The following KCNQ2 variants were observed in gnomAD, a reference collection of about 807,000 sequenced individuals.
The protein encoded by KCNQ2 is potassium voltage-gated channel subfamily Q member 2, also known as potassium voltage-gated channel subfamily KQT member 2.
Under a neutral mutation model 84.8 loss-of-function variants are expected in KCNQ2, and 14 were observed. That is an observed-to-expected ratio of 0.17 (90% CI 0.11 to 0.26). The LOEUF (loss-of-function observed/expected upper bound fraction) is 0.26. Ranked by LOEUF, KCNQ2 falls within the 10% of genes least tolerant of loss-of-function variation. The pLI is 1.00. For synonymous variants in KCNQ2, 599 were observed against 554.1 expected (o/e 1.08, Z -1.14); for missense variants, 788 against 1,254.0 (o/e 0.63, Z 5.61).
At chr20:63,411,199 C>T (rs1021581770) in intron 15 of KCNQ2, among the ~76,000 whole-genome samples, 15 of 152,334 alleles carry the variant, frequency 9.8e-5, no homozygotes, top group Admixed American at 3.3e-4. Flanking sequence ...CGCTTCTTCC[C>T]GGTGGCTTAA....
In KCNQ2 at chr20:63,413,760, GAC is replaced by G. The variant is rs3215651; in HGVS notation, c.1632-181_1632-180del. Among the ~76,000 whole-genome samples, 37,180 of 152,122 alleles carry G rather than the reference GAC, an allele frequency of 0.24. 5,648 individuals carry two copies. The highest frequency in any genetic ancestry group is 0.35 in the Non-Finnish European group (24,074 of 67,932). Reference sequence around the variant, plus strand: ...CTTTATGTGGCCCTGCTCTGCCCGGGACAGGTGGGGCTTGCAGGCCTGGCCAT... The same window carrying G: ...CTTTATGTGGCCCTGCTCTGCCCGGGAGGTGGGGCTTGCAGGCCTGGCCAT... On this transcript the variant is annotated intron_variant, in intron 14 of 16. Transcript: ENST00000359125.
chr20:63,400,232 C>T lies in KCNQ2; in HGVS notation c.*6412G>A. On this transcript the variant is annotated 3_prime_UTR_variant, in exon 17 of 17. Transcript: ENST00000359125. This position sits in a 1 kb window ranked among gnomAD's most constrained non-coding sequence, Gnocchi z 8.7. ...GTCCAGGTTGAATCACTGCGTTTTA[C>T]TGAGTGCACAGGTCCACCTGGCGTC... 1 of 174,316 alleles carries T rather than the reference C, an allele frequency of 5.7e-6. No individual in the cohort carries two copies. Among genetic ancestry groups the T allele is most frequent in the Non-Finnish European group, 1.2e-5 (1 of 83,450 alleles). The allele number at this position is 174,316 out of a possible 1,614,324, so 10.8% of individuals were successfully genotyped here.
chr20:63,423,899 C>A, intron 11 of KCNQ2: 1 of 518,900 alleles, frequency 1.9e-6, no homozygotes, highest in Non-Finnish European at 3.5e-6. Flanking sequence ...GACTTGTGGG[C>A]GGGGTGGGGG....
chr20:63,442,860 CCATCACCATCACCATTAT>C (rs2081239225), intron 4 of KCNQ2, among the ~76,000 whole-genome samples: 3 of 66,990 alleles, frequency 4.5e-5, no homozygotes, highest in Admixed American at 1.4e-4. Flanking sequence ...ATCACCACCA[CCATCACCATCACCATTAT>C]CACCACCACC....
At chr20:63,450,893 G>A (rs893153676) in intron 1 of KCNQ2, among the ~76,000 whole-genome samples, 2 of 152,146 alleles carry the variant, frequency 1.3e-5, no homozygotes, top group African/African-American at 2.4e-5. Flanking sequence ...TCAGCACTTC[G>A]GGAGGAGGCC....
At position 63,400,705 on chromosome 20, in the gene KCNQ2, G is replaced by A. The variant is rs1001031796; in HGVS notation, c.*5939C>T. 2.8e-5 allele frequency: 11 copies of A among 398,432 alleles called. No homozygotes were observed. Among genetic ancestry groups the A allele is most frequent in the Admixed American group, 1.8e-4 (4 of 22,710 alleles). 24.7% of individuals were successfully genotyped at this position (398,432 alleles called of 1,614,324 possible). ...GGCAGACTGCAATGGCGTGGGGCGC[G>A]GGCATGGCGGGCACACGTGGGCCGT... On this transcript the variant is annotated 3_prime_UTR_variant, in exon 17 of 17. Coordinates refer to ENST00000359125, the MANE Select transcript of KCNQ2 (RefSeq NM_172107.4). This position sits in a 1 kb window ranked among gnomAD's most constrained non-coding sequence, Gnocchi z 8.7.
Position 63,438,806 on chromosome 20 carries a change from C to CG in KCNQ2, c.928-87_928-86insC. The CG allele has an allele frequency of 1.0e-6, 1 of 983,442 alleles. No individual in the cohort carries two copies. The highest frequency in any genetic ancestry group is 1.6e-6 in the Non-Finnish European group (1 of 642,072). 60.9% of individuals were successfully genotyped at this position (983,442 alleles called of 1,614,324 possible). A position where few individuals can be genotyped will look rare whatever the true frequency, so the allele number is the denominator to read the frequency against. On this transcript the variant is annotated intron_variant, in intron 6 of 16. Transcript: ENST00000359125. This position sits in a 1 kb window ranked among gnomAD's most constrained non-coding sequence, Gnocchi z 5.1. ...TCAGACCATGCTCTGGGGCCCCACA[C>CG]CCCCCCCAATTCATCAGGGTCAGAC...
At chr20:63,420,909 G>A (rs1297769067) in intron 11 of KCNQ2, among the ~76,000 whole-genome samples, 3 of 152,190 alleles carry the variant, frequency 2.0e-5, no homozygotes, top group Non-Finnish European at 4.4e-5. Context: ...GGTGGGACGA[G>A]GCAGGAGGGA....
chr20:63,400,827 G>A lies in KCNQ2; in HGVS notation c.*5817C>T. 2.5e-6 allele frequency: 1 copy of A among 398,440 alleles called. No homozygotes were observed. The allele number at this position is 398,440 out of a possible 1,614,324, so 24.7% of individuals were successfully genotyped here. A position where few individuals can be genotyped will look rare whatever the true frequency, so the allele number is the denominator to read the frequency against. On this transcript the variant is annotated 3_prime_UTR_variant, in exon 17 of 17. Coordinates refer to ENST00000359125, the MANE Select transcript of KCNQ2 (RefSeq NM_172107.4). This position sits in a 1 kb window ranked among gnomAD's most constrained non-coding sequence, Gnocchi z 8.7. ...GTGAGACCCCTCCTGCCCTGCGCGT[G>A]TCTCTGGAGCCCGTCCCTTGGGCCC...
rs559776057 is a variant in KCNQ2 at position 63,411,122 on chromosome 20, C to T, written c.1763+2328G>A. On this transcript the variant is annotated intron_variant, in intron 15 of 16. Transcript: ENST00000359125. ...AAAACACTAATTAGGATGCTGGCAGCTTGAAAGCCAGCACCGGAGCTGCTG... is the reference window on the plus strand; with the variant it reads ...AAAACACTAATTAGGATGCTGGCAGTTTGAAAGCCAGCACCGGAGCTGCTG... 550 of 411,832 alleles carry T rather than the reference C, an allele frequency of 1.3e-3. 2 individuals carry two copies. Among genetic ancestry groups the T allele is most frequent in the African/African-American group, 0.01 (501 of 48,380 alleles). 25.5% of individuals were successfully genotyped at this position (411,832 alleles called of 1,614,324 possible).
Position 63,472,238 on chromosome 20 carries a change from T to C in KCNQ2, c.226A>G (p.Lys76Glu). Residue 76 changes from lysine (K) to glutamate (E), a missense_variant, in exon 1 of 17, where the codon AAG (lysine) becomes GAG (glutamate). Around this residue, in one of 8 missense-constraint regions of KCNQ2, gnomAD observed 106 missense variants for 214.8 expected, o/e 0.49. Coordinates refer to ENST00000359125, the MANE Select transcript of KCNQ2 (RefSeq NM_172107.4). ...ACGTTGTAGAGGAAATTCTGCAGCT[T>C]GCGGTAGAAGGCGTTGCGCTTGGGG... Reference protein sequence around the residue: ...KPPKRNAFYRKLQNFLYNVLE... With the variant: ...KPPKRNAFYRELQNFLYNVLE... 2 of 1,542,776 alleles carry C rather than the reference T, an allele frequency of 1.3e-6. No individual in the cohort carries two copies. The highest frequency in any genetic ancestry group is 1.7e-6 in the Non-Finnish European group (2 of 1,144,812).
intron 11 of KCNQ2, 158 bp downstream of exon 11, chr20:63,424,019 C>T: frequency 1.3e-6 from 1 of 742,132 alleles, no homozygotes; most frequent in Non-Finnish European, 2.3e-6. Context: ...GGGCCCACAT[C>T]ACCGCCAGGC....
chr20:63,467,884 C>T (rs893057668), intron 1 of KCNQ2, among the ~76,000 whole-genome samples: 2 of 152,130 alleles, frequency 1.3e-5, no homozygotes, highest in South Asian at 2.1e-4. Context: ...CTGGAGAGAC[C>T]GCGTCTCTGC....
At chr20:63,411,142 C>G (rs2080108660) in intron 15 of KCNQ2, 1 of 397,300 alleles carries the variant, frequency 2.5e-6, no homozygotes, top group Non-Finnish European at 5.0e-6. Context: ...AGCACCGGAG[C>G]TGCTGGAGCG....
At chr20:63,433,177 C>T (rs2080883908) in intron 8 of KCNQ2, among the ~76,000 whole-genome samples, 1 of 152,240 alleles carries the variant, frequency 6.6e-6, no homozygotes, top group African/African-American at 2.4e-5. Context: ...GGGAAAGCCG[C>T]CCTCCGACCA....
rs2079940402 is a variant in KCNQ2, at chr20:63,406,607, G to A, written c.*37C>T. On this transcript the variant is annotated 3_prime_UTR_variant, in exon 17 of 17. Coordinates refer to ENST00000359125, the MANE Select transcript of KCNQ2 (RefSeq NM_172107.4). ...CAAAACCTCGGAGGCACCGTGCTGA[G>A]GAGGGCCGCGGGCGGGTCCACTGGC... is the stretch of plus-strand genomic sequence containing the variant. 1.3e-6 allele frequency: 2 copies of A among 1,560,140 alleles called. No individual in the cohort carries two copies. The highest frequency in any genetic ancestry group is 4.6e-5 in the East Asian group (2 of 43,520).
chr20:63,438,846 T>A lies in KCNQ2; in HGVS notation c.928-126A>T. Reference sequence around the variant, plus strand: ...CAGGGTCAGACCACACTCCAGAGACTCACACACCCCCCAATTCATCAGGGT... The same window carrying A: ...CAGGGTCAGACCACACTCCAGAGACACACACACCCCCCAATTCATCAGGGT... On this transcript the variant is annotated intron_variant, in intron 6 of 16. Transcript: ENST00000359125. This position sits in a 1 kb window ranked among gnomAD's most constrained non-coding sequence, Gnocchi z 5.1. 1 of 561,218 alleles carries A rather than the reference T, an allele frequency of 1.8e-6. No individual in the cohort carries two copies. The highest frequency in any genetic ancestry group is 2.7e-5 in the African/African-American group (1 of 36,382). 34.8% of individuals were successfully genotyped at this position (561,218 alleles called of 1,614,324 possible).
chr20:63,455,489 ATG>A (rs2081755823), intron 1 of KCNQ2, among the ~76,000 whole-genome samples: 1 of 152,166 alleles, frequency 6.6e-6, no homozygotes, highest in South Asian at 2.1e-4. Context: ...AAGAGAGGCC[ATG>A]GCGGGGATCA....
Position 63,404,443 on chromosome 20 carries a change from T to TGGCGGGGGAGGAAAGAGCAGGCGGGGC in KCNQ2, c.*2200_*2201insGCCCCGCCTGCTCTTTCCTCCCCCGCC, listed in dbSNP as rs2079881326. On this transcript the variant is annotated 3_prime_UTR_variant, in exon 17 of 17. Transcript: ENST00000359125. Reference sequence around the variant, plus strand: ...GCGGGGGAGGAAAGAGCAGGCGGGGTCACACCTGCAGGGGGACACACAGCA... The same window carrying TGGCGGGGGAGGAAAGAGCAGGCGGGGC: ...GCGGGGGAGGAAAGAGCAGGCGGGGTGGCGGGGGAGGAAAGAGCAGGCGGGGCCACACCTGCAGGGGGACACACAGCA... 1 of 149,896 alleles carries TGGCGGGGGAGGAAAGAGCAGGCGGGGC rather than the reference T, an allele frequency of 6.7e-6. No individual in the cohort carries two copies. The highest frequency in any genetic ancestry group is 2.0e-4 in the East Asian group (1 of 5,128). The allele number at this position is 149,896 out of a possible 1,614,324, so 9.3% of individuals were successfully genotyped here.
Sources: gnomAD v4.1 joint callset for allele counts (sites outside exome capture counted in the v4.1 genomes callset) on GRCh38, gnomAD v4.1.1 for gene constraint, gnomAD v4.1.1 regional missense constraint, Gnocchi (gnomAD v3.1) non-coding constraint, MANE v1.5 for transcripts, NCBI Gene and HGNC (gene_info 2026-07-23, HGNC 2026-07-21) for gene names.